The following RNF217 variants were observed in gnomAD, a reference collection of about 807,000 sequenced individuals.
RNF217 encodes ring finger protein 217, also known as E3 ubiquitin-protein ligase RNF217.
A neutral mutation model predicts 57.8 loss-of-function variants in RNF217; 31 were observed. The observed-to-expected ratio is 0.54, with a 90% confidence interval of 0.40 to 0.72. The LOEUF is 0.72. Ranked by LOEUF, RNF217 falls within the 30% of genes least tolerant of loss-of-function variation. The pLI is 0.00. For synonymous variants in RNF217, 313 were observed against 294.0 expected (o/e 1.06, Z -0.66); for missense variants, 696 against 708.3 (o/e 0.98, Z 0.20).
chr6:125,057,900 A>C lies in RNF217; in HGVS notation c.1117-42A>C. 1.3e-6 allele frequency: 2 copies of C among 1,501,296 alleles called. 1 individual carries two copies. The highest frequency in any genetic ancestry group is 2.8e-5 in the African/African-American group (2 of 71,780). The allele number at this position is 1,501,296 out of a possible 1,614,324, so 93.0% of individuals were successfully genotyped here. ...CCTTCTTATCCTTTTAGACACTTTC[A>C]GTATATCCACTAGTAATTAATATGA... On this transcript the variant is annotated intron_variant, in intron 2 of 5. Coordinates refer to ENST00000521654, the MANE Select transcript of RNF217 (RefSeq NM_001286398.3).
At chr6:125,073,668 T>C in intron 3 of RNF217, among the ~76,000 whole-genome samples, 1 of 152,170 alleles carries the variant, frequency 6.6e-6, no homozygotes, top group East Asian at 1.9e-4. Context: ...CACACTTGCC[T>C]ATCTAGGAAA....
chr6:124,998,137 T>C (rs1014870602), intron 1 of RNF217, among the ~76,000 whole-genome samples: 1 of 152,200 alleles, frequency 6.6e-6, no homozygotes, highest in Non-Finnish European at 1.5e-5. Flanking sequence ...TATTCTCAGC[T>C]CTGGGCATTT....
intron 1 of RNF217, among the ~76,000 whole-genome samples, chr6:124,999,743 G>A (rs1784899561): frequency 1.3e-5 from 2 of 151,886 alleles, no homozygotes; most frequent in South Asian, 4.2e-4. Context: ...AACCTTTAAA[G>A]GAAAAAATTA....
At chr6:125,028,556 A>G (rs1275278498) in intron 1 of RNF217, among the ~76,000 whole-genome samples, 6 of 152,166 alleles carry the variant, frequency 3.9e-5, no homozygotes, top group Admixed American at 3.9e-4. Flanking sequence ...GTGTAGTTCC[A>G]AAAGAAATAT....
chr6:125,036,315 C>G (rs1786614242), intron 1 of RNF217, among the ~76,000 whole-genome samples: 2 of 152,096 alleles, frequency 1.3e-5, no homozygotes, highest in South Asian at 4.2e-4. Context: ...TTTTCTTTAT[C>G]CAGTCTATCA....
intron 1 of RNF217, among the ~76,000 whole-genome samples, chr6:125,019,884 A>G (rs1405964226): frequency 6.6e-6 from 1 of 151,930 alleles, no homozygotes; most frequent in South Asian, 2.1e-4. Context: ...TTAAAATAAC[A>G]TGTTGCCATT....
In RNF217 at chr6:125,090,646, T is replaced by C. The variant is rs1012983754; in HGVS notation, c.*7709T>C. On this transcript the variant is annotated 3_prime_UTR_variant, in exon 6 of 6. Coordinates refer to ENST00000521654, the MANE Select transcript of RNF217 (RefSeq NM_001286398.3). ...TAGAAGAAATTTCTTGATCATAAGA[T>C]GAATAGTAATTTGTACCAGATCTTG... The C allele has an allele frequency of 6.6e-6, 1 of 151,856 alleles. No individual in the cohort carries two copies. The allele number at this position is 151,856 out of a possible 1,614,324, so 9.4% of individuals were successfully genotyped here. A position where few individuals can be genotyped will look rare whatever the true frequency, so the allele number is the denominator to read the frequency against.
chr6:125,003,023 A>G (rs562519431), intron 1 of RNF217, among the ~76,000 whole-genome samples: 1 of 152,238 alleles, frequency 6.6e-6, no homozygotes, highest in East Asian at 1.9e-4. Context: ...AAAAGGACTG[A>G]TTTAGTAATA....
At chr6:125,054,318 T>A (rs1176600658) in intron 2 of RNF217, among the ~76,000 whole-genome samples, 1 of 152,134 alleles carries the variant, frequency 6.6e-6, no homozygotes, top group African/African-American at 2.4e-5. Flanking sequence ...CCTCAATTAG[T>A]GAGGTTTAGT....
At chr6:125,042,378 G>A (rs1010972866) in intron 1 of RNF217, among the ~76,000 whole-genome samples, 5 of 152,034 alleles carry the variant, frequency 3.3e-5, no homozygotes, top group Admixed American at 1.3e-4. Flanking sequence ...CTCTACAGGG[G>A]GAAGACAGAA....
Position 124,962,471 on chromosome 6 carries a change from C to A in RNF217, c.-74C>A. 1 of 663,496 alleles carries A rather than the reference C, an allele frequency of 1.5e-6. No homozygotes were observed. The allele number at this position is 663,496 out of a possible 1,614,324, so 41.1% of individuals were successfully genotyped here. On this transcript the variant is annotated 5_prime_UTR_variant, in exon 1 of 6. Transcript: ENST00000521654. The surrounding 1 kb of genome is among the most constrained non-coding windows in gnomAD (Gnocchi z 4.6). ...GCCGCGAGTCGAGCCGAGCCACTGCCCCCGCTGCCCGCGGGCGCCGGGTGG... is the reference window on the plus strand; with the variant it reads ...GCCGCGAGTCGAGCCGAGCCACTGCACCCGCTGCCCGCGGGCGCCGGGTGG...
Position 125,076,688 on chromosome 6 carries a change from A to G in RNF217, c.1313A>G (p.His438Arg), listed in dbSNP as rs2114643024. ...ATCCAGCGAACTGAAGGATGTGACC[A>G]TATGACCTGCTCACAATGTAACACT... ...IHIQRTEGCD[H>R]MTCSQCNTNF... The change falls in exon 4 of 6, where the codon CAT (histidine) becomes CGT (arginine). Residue 438 changes from histidine (H) to arginine (R), a missense_variant. By Grantham distance (29) the His-to-Arg change is conservative. Coordinates refer to ENST00000521654, the MANE Select transcript of RNF217 (RefSeq NM_001286398.3). 1.9e-6 allele frequency: 3 copies of G among 1,613,200 alleles called. No homozygotes were observed. The highest frequency in any genetic ancestry group is 3.3e-4 in the Middle Eastern group (2 of 6,052).
At chr6:125,066,410 C>T (rs1241866107) in intron 3 of RNF217, among the ~76,000 whole-genome samples, 1 of 152,162 alleles carries the variant, frequency 6.6e-6, no homozygotes, top group South Asian at 2.1e-4. Flanking sequence ...CCTTCCTTCA[C>T]CCTGCTACAG....
intron 1 of RNF217, among the ~76,000 whole-genome samples, chr6:124,987,170 G>A (rs1301422402): frequency 6.6e-6 from 1 of 152,124 alleles, no homozygotes; most frequent in Non-Finnish European, 1.5e-5. Flanking sequence ...TGAAAATTAG[G>A]TGGAAGCTCC....
chr6:125,020,257 C>T lies in RNF217; in HGVS notation c.883-24954C>T, dbSNP rs1160146561. 2.6e-5 allele frequency among the ~76,000 whole-genome samples: 4 copies of T among 152,186 alleles called. No homozygotes were observed. In the East Asian group the frequency reaches 5.8e-4, roughly 22 times the overall value. ...TACTAAGTGCTTACTGTATGCAGGG[C>T]AGGGTCCTGGTGTTCCCTAAGATGC... is the stretch of plus-strand genomic sequence containing the variant. On this transcript the variant is annotated intron_variant, in intron 1 of 5. Transcript: ENST00000521654.
At chr6:125,037,887 A>C (rs1786707367) in intron 1 of RNF217, among the ~76,000 whole-genome samples, 1 of 152,214 alleles carries the variant, frequency 6.6e-6, no homozygotes, top group Non-Finnish European at 1.5e-5. Context: ...CTTGTAAACT[A>C]TCATGACCAA....
chr6:125,069,487 A>G (rs1018544916), intron 3 of RNF217, among the ~76,000 whole-genome samples: 2 of 152,128 alleles, frequency 1.3e-5, no homozygotes, highest in Admixed American at 6.6e-5. Flanking sequence ...ATGTGATTTC[A>G]TTCTTCTTTA....
chr6:125,082,662 T>C, intron 5 of RNF217: 1 of 1,522,560 alleles, frequency 6.6e-7, no homozygotes, highest in Non-Finnish European at 8.9e-7. Context: ...ATTAAACTGG[T>C]ATCACTGAGG....
intron 1 of RNF217, among the ~76,000 whole-genome samples, chr6:124,972,768 G>C (rs1486848821): frequency 6.6e-6 from 1 of 152,092 alleles, no homozygotes; most frequent in Non-Finnish European, 1.5e-5. Context: ...TCTTCTGGGA[G>C]AATCTTCTTG....
Sources: allele counts gnomAD v4.1 joint callset (sites outside exome capture counted in the v4.1 genomes callset), GRCh38; gene constraint gnomAD v4.1.1; non-coding constraint Gnocchi (gnomAD v3.1); transcripts MANE v1.5; gene names NCBI Gene and HGNC (gene_info 2026-07-23, HGNC 2026-07-21).